Variants in FARS2 observed in about 807,000 individuals in gnomAD.
FARS2 encodes phenylalanine--tRNA ligase, mitochondrial.
In FARS2, 40 loss-of-function variants were observed where a neutral mutation model predicts 46.4. That is an observed-to-expected ratio of 0.86 (90% CI 0.67 to 1.12). FARS2 has a LOEUF of 1.12. Ranked by LOEUF, FARS2 falls within the 50% of genes most tolerant of loss-of-function variation. FARS2 has a pLI of 0.00. For missense variants in FARS2, 513 were observed against 567.9 expected (o/e 0.90, Z 0.98); for synonymous variants, 234 against 214.9 (o/e 1.09, Z -0.78).
intron 1 of FARS2, among the ~76,000 whole-genome samples, chr6:5,316,366 A>G (rs951439599): frequency 6.6e-6 from 1 of 152,240 alleles, no homozygotes; most frequent in African/African-American, 2.4e-5. Flanking sequence ...CCCGAATGAC[A>G]CATTAATAAG....
At chr6:5,383,895 G>A (rs2326628) in intron 2 of FARS2, among the ~76,000 whole-genome samples, 35,518 of 151,748 alleles carry the variant, frequency 0.23, 5,273 homozygotes, top group East Asian at 0.42. Flanking sequence ...GTTATATTTT[G>A]CCCACTGGCA....
At chr6:5,682,294 AG>A (rs527981804) in intron 6 of FARS2, among the ~76,000 whole-genome samples, 118 of 152,392 alleles carry the variant, frequency 7.7e-4, no homozygotes, top group Middle Eastern at 3.4e-3. Context: ...AAGGAAATAG[AG>A]GAAGCAGGGA....
chr6:5,705,375 G>A (rs1050021033), intron 6 of FARS2, among the ~76,000 whole-genome samples: 4 of 152,226 alleles, frequency 2.6e-5, no homozygotes, highest in South Asian at 2.1e-4. Context: ...GAGGCCATGC[G>A]AAATGAGTTG....
At chr6:5,473,374 A>C (rs1271384536) in intron 4 of FARS2, among the ~76,000 whole-genome samples, 1 of 152,036 alleles carries the variant, frequency 6.6e-6, no homozygotes, top group African/African-American at 2.4e-5. Context: ...AAAATACAAA[A>C]AAATTAGCCG....
chr6:5,518,579 A>G (rs1354945248), intron 4 of FARS2, among the ~76,000 whole-genome samples: 1 of 152,192 alleles, frequency 6.6e-6, no homozygotes, highest in Non-Finnish European at 1.5e-5. Flanking sequence ...TTAAGAAAGG[A>G]CCAGAGGAAA....
At chr6:5,326,066 C>T (rs775564014) in intron 1 of FARS2, among the ~76,000 whole-genome samples, 5 of 152,164 alleles carry the variant, frequency 3.3e-5, no homozygotes, top group African/African-American at 7.2e-5. Context: ...TGTGTGATGA[C>T]AGTTTAGAAT....
At chr6:5,574,349 C>T (rs1426598867) in intron 5 of FARS2, among the ~76,000 whole-genome samples, 1 of 152,152 alleles carries the variant, frequency 6.6e-6, no homozygotes, top group African/African-American at 2.4e-5. Flanking sequence ...TGGTCTCGAT[C>T]TCCTGACCTC....
intron 6 of FARS2, among the ~76,000 whole-genome samples, chr6:5,715,556 A>T (rs776206541): frequency 7.9e-5 from 12 of 152,152 alleles, no homozygotes; most frequent in Non-Finnish European, 1.3e-4. Context: ...GGACATTTGT[A>T]TATAAGGAAT....
intron 4 of FARS2, among the ~76,000 whole-genome samples, chr6:5,539,396 A>ATATATATATATATATATATATATATATC (rs1024662143): frequency 7.3e-6 from 1 of 136,492 alleles, no homozygotes; most frequent in Non-Finnish European, 1.5e-5. Context: ...ATATATATAT[A>ATATATATATATATATATATATATATATC]TATGTATATA....
At chr6:5,427,668 G>T (rs550375939) in intron 3 of FARS2, among the ~76,000 whole-genome samples, 1 of 152,144 alleles carries the variant, frequency 6.6e-6, no homozygotes, top group South Asian at 2.1e-4. Context: ...TCATCTTGGT[G>T]GATTCTGAAA....
chr6:5,285,348 G>A (rs530078884), intron 1 of FARS2, among the ~76,000 whole-genome samples: 211 of 152,286 alleles, frequency 1.4e-3, no homozygotes, highest in African/African-American at 4.9e-3. Context: ...GACTGATGGG[G>A]GAACACCAGC....
chr6:5,421,392 A>G (rs1448620535), intron 3 of FARS2, among the ~76,000 whole-genome samples: 1 of 152,208 alleles, frequency 6.6e-6, no homozygotes, highest in Admixed American at 6.5e-5. Flanking sequence ...AAGACCTCTG[A>G]CATGTCCCAG....
chr6:5,722,073 A>G (rs11243032), intron 6 of FARS2, among the ~76,000 whole-genome samples: 51,934 of 152,090 alleles, frequency 0.34, 10,174 homozygotes, highest in East Asian at 0.77. Flanking sequence ...GCTTTAATGG[A>G]TGAAACAAAT....
chr6:5,264,567 G>A (rs941948412), intron 1 of FARS2, among the ~76,000 whole-genome samples: 1 of 149,862 alleles, frequency 6.7e-6, no homozygotes, highest in African/African-American at 2.5e-5. Context: ...AATCTCGTCC[G>A]GCTAATTTTT....
chr6:5,533,643 T>C (rs76683658), intron 4 of FARS2, among the ~76,000 whole-genome samples: 6 of 152,258 alleles, frequency 3.9e-5, no homozygotes, highest in Non-Finnish European at 7.4e-5. Flanking sequence ...CTGTAGCGTA[T>C]TAGAAGATAT....
chr6:5,354,495 GATTTCT>G (rs1365203350), intron 1 of FARS2, among the ~76,000 whole-genome samples: 6 of 151,400 alleles, frequency 4.0e-5, no homozygotes, highest in Admixed American at 3.9e-4. Flanking sequence ...CATTTCAGTG[GATTTCT>G]ATGCTAGTGG....
intron 6 of FARS2, among the ~76,000 whole-genome samples, chr6:5,664,199 T>G (rs1582700775): frequency 1.3e-5 from 2 of 152,368 alleles, no homozygotes; most frequent in East Asian, 3.9e-4. Context: ...AATGGTTTCA[T>G]CTCTATGCTA....
rs142956223 is a variant in FARS2 at position 5,508,327 on chromosome 6, C to T, written c.905-36853C>T. On this transcript the variant is annotated intron_variant, in intron 4 of 6. Coordinates refer to ENST00000274680, the MANE Select transcript of FARS2 (RefSeq NM_006567.5). ...GATCATCCCCCACGTGGATTCCTCT[C>T]ATCAGAATCTTTCTTGTAGTCTTTG... is the stretch of plus-strand genomic sequence containing the variant. 1.1e-3 allele frequency among the ~76,000 whole-genome samples: 167 copies of T among 152,358 alleles called. 1 individual carries two copies. The highest frequency in any genetic ancestry group is 3.7e-3 in the African/African-American group (154 of 41,588).
At chr6:5,272,093 A>G (rs1765997635) in intron 1 of FARS2, among the ~76,000 whole-genome samples, 1 of 152,170 alleles carries the variant, frequency 6.6e-6, no homozygotes, top group Non-Finnish European at 1.5e-5. Flanking sequence ...TGCCCAGGGC[A>G]TGAATCCTCC....
Sources: gnomAD v4.1 joint callset for allele counts (sites outside exome capture counted in the v4.1 genomes callset) on GRCh38, gnomAD v4.1.1 for gene constraint, MANE v1.5 for transcripts, NCBI Gene and HGNC (gene_info 2026-07-23, HGNC 2026-07-21) for gene names.